The following PCDH9 variants were observed in gnomAD, a reference collection of about 807,000 sequenced individuals.
PCDH9 encodes the protein protocadherin-9.
Under a neutral mutation model 70.6 loss-of-function variants are expected in PCDH9, and 24 were observed. That is an observed-to-expected ratio of 0.34 (90% CI 0.25 to 0.48). The LOEUF is 0.48. Ranked by LOEUF, PCDH9 falls within the 20% of genes least tolerant of loss-of-function variation. The probability of loss-of-function intolerance (pLI) is 0.99; values close to 1 mark genes in which losing one functional copy is unlikely to be tolerated. For missense variants in PCDH9, 1,281 were observed against 1,503.6 expected (o/e 0.85, Z 2.45); for synonymous variants, 562 against 558.5 (o/e 1.01, Z -0.09).
chr13:66,477,449 T>C (rs931897069), intron 4 of PCDH9, among the ~76,000 whole-genome samples: 9 of 152,184 alleles, frequency 5.9e-5, no homozygotes, highest in African/African-American at 2.2e-4. Context: ...ACCTAAATTA[T>C]ATGATATTTG....
chr13:66,890,589 T>A (rs773177127), intron 3 of PCDH9, among the ~76,000 whole-genome samples: 6 of 151,730 alleles, frequency 4.0e-5, no homozygotes, highest in Non-Finnish European at 8.8e-5. Flanking sequence ...CTGGAAGTCA[T>A]CCCTTTGAAA....
chr13:66,943,736 C>A (rs979972786), intron 2 of PCDH9, among the ~76,000 whole-genome samples: 2 of 151,890 alleles, frequency 1.3e-5, no homozygotes, highest in African/African-American at 2.4e-5. Context: ...TGTAATTTTT[C>A]TGTCAATCTA....
intron 3 of PCDH9, among the ~76,000 whole-genome samples, chr13:66,830,007 C>T (rs1235081036): frequency 6.6e-6 from 1 of 151,726 alleles, no homozygotes; most frequent in East Asian, 1.9e-4. Flanking sequence ...AAAATAACAA[C>T]AATTTGGTCT....
rs971888292 is a variant in PCDH9, at chr13:66,325,664, A to C, written c.3341-20636T>G. On this transcript the variant is annotated intron_variant, in intron 4 of 4. Coordinates refer to ENST00000377865, the MANE Select transcript of PCDH9 (RefSeq NM_203487.3). ...GTGCACTTGCATTTACATATCACACATATTTTCTATAGGGTCGCTGTTGCT... is the reference window on the plus strand; with the variant it reads ...GTGCACTTGCATTTACATATCACACCTATTTTCTATAGGGTCGCTGTTGCT... 2.0e-5 allele frequency among the ~76,000 whole-genome samples: 3 copies of C among 152,192 alleles called. No homozygotes were observed. The South Asian group carries it at 6.2e-4, about 32-fold the overall frequency.
intron 3 of PCDH9, among the ~76,000 whole-genome samples, chr13:66,770,515 G>A (rs112366923): frequency 1.3e-5 from 2 of 152,272 alleles, no homozygotes; most frequent in African/African-American, 4.8e-5. Context: ...TTCATGCCTA[G>A]TAGGCTAACC....
chr13:66,549,729 A>C (rs1250954607), intron 4 of PCDH9, among the ~76,000 whole-genome samples: 2 of 152,058 alleles, frequency 1.3e-5, no homozygotes, highest in Non-Finnish European at 2.9e-5. Context: ...TAGTAATCAA[A>C]ATAATTAAGG....
chr13:66,593,297 G>T (rs547944670), intron 4 of PCDH9, among the ~76,000 whole-genome samples: 180 of 151,740 alleles, frequency 1.2e-3, no homozygotes, highest in Middle Eastern at 3.4e-3. Flanking sequence ...TTTCACTGTT[G>T]TATCAGAAAC....
chr13:66,758,301 A>G (rs1216565190), intron 3 of PCDH9, among the ~76,000 whole-genome samples: 1 of 152,040 alleles, frequency 6.6e-6, no homozygotes, highest in Non-Finnish European at 1.5e-5. Flanking sequence ...GATTTCTCCT[A>G]TCTAACTATA....
intron 3 of PCDH9, among the ~76,000 whole-genome samples, chr13:66,650,467 G>A (rs2077835459): frequency 6.6e-6 from 1 of 151,914 alleles, no homozygotes; most frequent in Non-Finnish European, 1.5e-5. Context: ...GGAGCACCCA[G>A]ATTTATAAAA....
chr13:66,978,982 T>G (rs1177323647), intron 2 of PCDH9, among the ~76,000 whole-genome samples: 1 of 151,852 alleles, frequency 6.6e-6, no homozygotes, highest in Non-Finnish European at 1.5e-5. Flanking sequence ...CATTTGTATT[T>G]ATAAAGAACA....
chr13:66,336,716 T>C (rs1353973561), intron 4 of PCDH9, among the ~76,000 whole-genome samples: 1 of 152,104 alleles, frequency 6.6e-6, no homozygotes, highest in Non-Finnish European at 1.5e-5. Flanking sequence ...ATAAGATGCA[T>C]GTTGGTAATC....
intron 3 of PCDH9, among the ~76,000 whole-genome samples, chr13:66,729,298 T>C (rs1414939173): frequency 1.3e-5 from 2 of 152,168 alleles, no homozygotes; most frequent in African/African-American, 4.8e-5. Flanking sequence ...TCAAAATTCA[T>C]CATAAATTCC....
chr13:66,428,610 C>T (rs1957714563), intron 4 of PCDH9, among the ~76,000 whole-genome samples: 2 of 151,604 alleles, frequency 1.3e-5, no homozygotes, highest in Non-Finnish European at 3.0e-5. Context: ...ATTTATAAAT[C>T]AGGGAAAATA....
At chr13:66,677,177 A>C (rs2078255082) in intron 3 of PCDH9, among the ~76,000 whole-genome samples, 1 of 152,110 alleles carries the variant, frequency 6.6e-6, no homozygotes, top group African/African-American at 2.4e-5. Flanking sequence ...ATGCCCAGAC[A>C]GCAATTTTAA....
At chr13:66,997,681 C>T (rs2084148972) in intron 2 of PCDH9, among the ~76,000 whole-genome samples, 1 of 152,100 alleles carries the variant, frequency 6.6e-6, no homozygotes, top group South Asian at 2.1e-4. Flanking sequence ...ACTACGGGCG[C>T]ACATCACCAT....
chr13:66,591,195 T>C (rs993962913), intron 4 of PCDH9, among the ~76,000 whole-genome samples: 1 of 151,790 alleles, frequency 6.6e-6, no homozygotes, highest in Admixed American at 6.6e-5. Context: ...AATTTTTGTC[T>C]TTGAATAATT....
intron 2 of PCDH9, among the ~76,000 whole-genome samples, chr13:66,939,694 AG>A (rs1325372492): frequency 6.6e-6 from 1 of 152,294 alleles, no homozygotes; most frequent in East Asian, 1.9e-4. Flanking sequence ...CTGGAATTAC[AG>A]GCATGAGTCA....
chr13:66,378,924 C>G (rs1195486522), intron 4 of PCDH9, among the ~76,000 whole-genome samples: 1 of 152,184 alleles, frequency 6.6e-6, no homozygotes, highest in East Asian at 1.9e-4. Flanking sequence ...AAAGATGACA[C>G]AGTTCACCAA....
intron 4 of PCDH9, among the ~76,000 whole-genome samples, chr13:66,430,752 AC>A (rs1225659068): frequency 6.6e-6 from 1 of 152,088 alleles, no homozygotes; most frequent in Non-Finnish European, 1.5e-5. Context: ...AGGGAGACTT[AC>A]ATATAAACAA....
Sources: allele counts gnomAD v4.1 joint callset (sites outside exome capture counted in the v4.1 genomes callset), GRCh38; gene constraint gnomAD v4.1.1; transcripts MANE v1.5; gene names NCBI Gene and HGNC (gene_info 2026-07-23, HGNC 2026-07-21).